Variants in SHISA9 observed in about 807,000 individuals in gnomAD.
The protein encoded by SHISA9 is protein shisa-9.
SHISA9 carries 13 observed loss-of-function variants against 38.0 expected under a neutral mutation model. The observed-to-expected ratio is 0.34, with a 90% CI of 0.22 to 0.54. The LOEUF is 0.54. SHISA9 is among the 20% of genes least tolerant of loss of function. The pLI is 0.91. For missense variants in SHISA9, 538 were observed against 575.8 expected (o/e 0.93, Z 0.67); for synonymous variants, 275 against 242.0 (o/e 1.14, Z -1.27).
chr16:13,541,416 C>A, the SHISA9 span, among the ~76,000 whole-genome samples: 1 of 152,278 alleles, frequency 6.6e-6, no homozygotes, highest in East Asian at 1.9e-4. Context: ...TGTGCACCCC[C>A]GCCTTTGCCT....
At chr16:13,168,558 T>C (rs998818959) in intron 2 of SHISA9, among the ~76,000 whole-genome samples, 1 of 152,206 alleles carries the variant, frequency 6.6e-6, no homozygotes, top group Non-Finnish European at 1.5e-5. Flanking sequence ...TGCAAAGCCT[T>C]GTCTCTCTAC....
intron 2 of SHISA9, among the ~76,000 whole-genome samples, chr16:12,930,974 C>A (rs1448417437): frequency 6.6e-6 from 1 of 152,158 alleles, no homozygotes. Context: ...TACTCTTTGA[C>A]TTTGAATCCA....
intron 2 of SHISA9, among the ~76,000 whole-genome samples, chr16:12,993,057 A>C (rs1452832976): frequency 2.0e-5 from 3 of 152,214 alleles, no homozygotes; most frequent in Admixed American, 6.5e-5. Flanking sequence ...GATTTTAAAG[A>C]CAGTTAATTT....
At chr16:13,250,161 C>A in the SHISA9 span, among the ~76,000 whole-genome samples, 2 of 152,328 alleles carry the variant, frequency 1.3e-5, no homozygotes, top group East Asian at 3.8e-4. Flanking sequence ...TTTTCCAAAG[C>A]TTCTTCTGCA....
chr16:13,037,458 G>T (rs934756669), intron 2 of SHISA9, among the ~76,000 whole-genome samples: 1 of 152,104 alleles, frequency 6.6e-6, no homozygotes, highest in African/African-American at 2.4e-5. Context: ...AAGGTTGGGG[G>T]AGGGGAGCAG....
At chr16:13,348,071 G>A in the SHISA9 span, among the ~76,000 whole-genome samples, 2 of 152,248 alleles carry the variant, frequency 1.3e-5, no homozygotes, top group Admixed American at 6.5e-5. Flanking sequence ...TAATATATTT[G>A]TGTTGTTTTT....
At chr16:13,450,229 C>T in the SHISA9 span, among the ~76,000 whole-genome samples, 29 of 152,280 alleles carry the variant, frequency 1.9e-4, no homozygotes, top group Admixed American at 9.8e-4. Flanking sequence ...TTTTTTGCAT[C>T]TTAAAACTTG....
chr16:12,948,327 A>T (rs1567349260), intron 2 of SHISA9, among the ~76,000 whole-genome samples: 1 of 152,344 alleles, frequency 6.6e-6, no homozygotes, highest in East Asian at 1.9e-4. Context: ...AGCCACTCTC[A>T]TCAGTAAAGG....
the SHISA9 span, among the ~76,000 whole-genome samples, chr16:13,506,108 A>G: frequency 6.6e-6 from 1 of 152,236 alleles, no homozygotes; most frequent in East Asian, 1.9e-4. Flanking sequence ...TAAAACAAGA[A>G]GCAAATAAGT....
chr16:13,219,252 A>G (rs866745388), intron 4 of SHISA9, among the ~76,000 whole-genome samples: 1 of 152,232 alleles, frequency 6.6e-6, no homozygotes, highest in African/African-American at 2.4e-5. Flanking sequence ...GATCCTGTTC[A>G]TTCCAAAGCC....
Position 12,902,418 on chromosome 16 carries a change from C to T in SHISA9, c.354C>T (p.Ser118=). The T allele has an allele frequency of 3.9e-6, 6 of 1,551,314 alleles. No homozygotes were observed. The highest frequency in any genetic ancestry group is 5.2e-6 in the Non-Finnish European group (6 of 1,147,006). The change falls in exon 1 of 5, where the codon AGC becomes AGT. Residue 118 remains serine (S), a synonymous_variant. Coordinates refer to ENST00000558583, the MANE Select transcript of SHISA9 (RefSeq NM_001145204.3). ...TTAAGAAGCGGCGACTGAACCAAAG[C>T]ACCTGCACCAACTACGACACGCCGC... ...CTFKKRRLNQ[S]TCTNYDTPLW...
At chr16:12,911,479 CATACGT>C in intron 1 of SHISA9, 1 of 731,904 alleles carries the variant, frequency 1.4e-6, no homozygotes, top group Non-Finnish European at 1.7e-6. Flanking sequence ...CATTATGAAG[CATACGT>C]AAGGACAGAA....
intron 2 of SHISA9, 37 bp downstream of exon 2, chr16:12,916,852 G>GAACCATTTCC: frequency 6.5e-7 from 1 of 1,546,028 alleles, no homozygotes; most frequent in Non-Finnish European, 8.7e-7. Context: ...CAGTCCCATG[G>GAACCATTTCC]GGTGACCTGA....
At chr16:13,522,058 G>A in the SHISA9 span, among the ~76,000 whole-genome samples, 4 of 152,152 alleles carry the variant, frequency 2.6e-5, no homozygotes, top group African/African-American at 9.7e-5. Flanking sequence ...GCGCTTCCCG[G>A]GAAGTTCGAA....
intron 2 of SHISA9, among the ~76,000 whole-genome samples, chr16:13,149,945 G>A (rs1329881867): frequency 3.3e-5 from 4 of 122,802 alleles, no homozygotes; most frequent in African/African-American, 9.2e-5. Flanking sequence ...AAAAAAAAAA[G>A]GAAAAAAAAA....
At chr16:12,967,568 TAAA>T (rs1412472207) in intron 2 of SHISA9, among the ~76,000 whole-genome samples, 1 of 150,996 alleles carries the variant, frequency 6.6e-6, no homozygotes, top group African/African-American at 2.4e-5. Flanking sequence ...ATAATAATAA[TAAA>T]AATAAAAAAT....
intron 2 of SHISA9, among the ~76,000 whole-genome samples, chr16:13,006,266 T>C (rs1008609957): frequency 6.6e-6 from 1 of 152,190 alleles, no homozygotes; most frequent in Admixed American, 6.5e-5. Context: ...CTGCATTTTC[T>C]CTAAGCACCT....
the SHISA9 span, among the ~76,000 whole-genome samples, chr16:13,442,371 C>T: frequency 2.3e-4 from 35 of 152,058 alleles, no homozygotes; most frequent in African/African-American, 7.0e-4. Flanking sequence ...TGCAGTGGCG[C>T]GATCTTGTCT....
At chr16:13,353,899 C>T in the SHISA9 span, among the ~76,000 whole-genome samples, 131 of 152,176 alleles carry the variant, frequency 8.6e-4, no homozygotes, top group African/African-American at 3.1e-3. Flanking sequence ...AATAAAGGCT[C>T]ATCTGTTATG....
Sources: allele counts gnomAD v4.1 joint callset (sites outside exome capture counted in the v4.1 genomes callset), GRCh38; gene constraint gnomAD v4.1.1; transcripts MANE v1.5; gene names NCBI Gene and HGNC (gene_info 2026-07-23, HGNC 2026-07-21).